The following STAU2 variants were observed in gnomAD, a reference collection of about 807,000 sequenced individuals.
STAU2 encodes the protein staufen double-stranded RNA binding protein 2.
Under a neutral mutation model 65.9 loss-of-function variants are expected in STAU2, and 20 were observed. That is an observed-to-expected ratio of 0.30 (90% CI 0.21 to 0.44). STAU2 has a LOEUF of 0.44. STAU2 is among the 20% of genes least tolerant of loss of function. The probability of loss-of-function intolerance (pLI) is 1.00; values close to 1 mark genes in which losing one functional copy is unlikely to be tolerated. For missense variants in STAU2, 558 were observed against 683.9 expected, an observed-to-expected ratio of 0.82 and a Z score of 2.05; for synonymous variants, 232 against 233.9, an observed-to-expected ratio of 0.99 and a Z score of 0.07.
intron 13 of STAU2, among the ~76,000 whole-genome samples, chr8:73,536,747 GA>G (rs1338506419): frequency 1.3e-5 from 2 of 152,114 alleles, no homozygotes; most frequent in African/African-American, 4.8e-5. Flanking sequence ...CTCCTCCCAA[GA>G]AGATGTCAAC....
At chr8:73,623,523 G>A (rs1813418832) in intron 6 of STAU2, among the ~76,000 whole-genome samples, 1 of 152,102 alleles carries the variant, frequency 6.6e-6, no homozygotes, top group African/African-American at 2.4e-5. Flanking sequence ...AATAAGGAGA[G>A]GCTTTGGATT....
Position 73,421,410 on chromosome 8 carries a change from T to C in STAU2, c.1675A>G (p.Ile559Val), listed in dbSNP as rs1266574539. Residue 559 changes from isoleucine to valine, a missense_variant, in exon 15 of 15, where the codon ATC (isoleucine) becomes GTC (valine). Ile to Val is a conservative substitution (Grantham distance 29). Transcript: ENST00000524300. Reference sequence around the variant, plus strand: ...TTTGATTTCTTGCAGTCCTGAGCGATGGAGCCCGGGGGTGCCTGGTTATTG... The same window carrying C: ...TTTGATTTCTTGCAGTCCTGAGCGACGGAGCCCGGGGGTGCCTGGTTATTG... ...ADNNQAPPGS[I>V]AQDCKKSNSA... 30 of 1,537,180 alleles carry C rather than the reference T, an allele frequency of 2.0e-5. No individual in the cohort carries two copies. The highest frequency in any genetic ancestry group is 1.4e-5 in the African/African-American group (1 of 73,058).
At chr8:73,712,520 T>C (rs1269148225) in intron 3 of STAU2, among the ~76,000 whole-genome samples, 2 of 152,238 alleles carry the variant, frequency 1.3e-5, no homozygotes, top group African/African-American at 4.8e-5. Flanking sequence ...ATTATTCTGA[T>C]TTAAACATTT....
At chr8:73,676,562 T>G (rs1818040894) in intron 5 of STAU2, among the ~76,000 whole-genome samples, 1 of 152,150 alleles carries the variant, frequency 6.6e-6, no homozygotes, top group Admixed American at 6.6e-5. Flanking sequence ...GACTAATAAA[T>G]TAGCTTCCAC....
At chr8:73,628,424 T>C (rs1008891524) in intron 6 of STAU2, among the ~76,000 whole-genome samples, 1 of 152,212 alleles carries the variant, frequency 6.6e-6, no homozygotes, top group African/African-American at 2.4e-5. Flanking sequence ...AGTAATCTAA[T>C]AGCAGAATCT....
At chr8:73,698,217 TAA>T (rs1178413299) in intron 4 of STAU2, among the ~76,000 whole-genome samples, 1 of 151,808 alleles carries the variant, frequency 6.6e-6, no homozygotes. Context: ...TCACTTTCAC[TAA>T]AAGGAAGACA....
chr8:73,646,476 G>C (rs974347743), intron 6 of STAU2, among the ~76,000 whole-genome samples: 1 of 152,196 alleles, frequency 6.6e-6, no homozygotes, highest in Non-Finnish European at 1.5e-5. Flanking sequence ...TTCAATGGAG[G>C]AAGGAGAGCT....
intron 11 of STAU2, among the ~76,000 whole-genome samples, chr8:73,584,387 G>T (rs6995888): frequency 0.18 from 27,802 of 152,162 alleles, 2,778 homozygotes; most frequent in African/African-American, 0.27. Context: ...AGCTAACACT[G>T]AAGATTTAAA....
At chr8:73,514,137 CT>C (rs1355030585) in intron 13 of STAU2, among the ~76,000 whole-genome samples, 1 of 152,100 alleles carries the variant, frequency 6.6e-6, no homozygotes, top group Non-Finnish European at 1.5e-5. Context: ...TTGTTAAGAG[CT>C]TTTTTTCACT....
chr8:73,639,882 G>A (rs1814826812), intron 6 of STAU2, among the ~76,000 whole-genome samples: 1 of 151,920 alleles, frequency 6.6e-6, no homozygotes, highest in Non-Finnish European at 1.5e-5. Flanking sequence ...AATACAAATA[G>A]ATACATAAAA....
chr8:73,554,901 A>G (rs1248996807), intron 12 of STAU2, among the ~76,000 whole-genome samples: 1 of 152,176 alleles, frequency 6.6e-6, no homozygotes, highest in Non-Finnish European at 1.5e-5. Flanking sequence ...AGTTACACAG[A>G]TATATCCAAT....
At chr8:73,720,574 G>A (rs1307028691) in intron 3 of STAU2, among the ~76,000 whole-genome samples, 7 of 63,582 alleles carry the variant, frequency 1.1e-4, no homozygotes, top group Admixed American at 3.8e-4. Flanking sequence ...CTGCAGTGGC[G>A]CAATCTCGGC....
chr8:73,657,272 A>T (rs1441482280), intron 6 of STAU2, among the ~76,000 whole-genome samples: 2 of 152,230 alleles, frequency 1.3e-5, no homozygotes, highest in Non-Finnish European at 2.9e-5. Flanking sequence ...AAGAAAGCAT[A>T]AGGAAGTGCC....
chr8:73,570,166 G>A (rs181512837), intron 12 of STAU2, among the ~76,000 whole-genome samples: 4 of 152,312 alleles, frequency 2.6e-5, no homozygotes, highest in Admixed American at 2.0e-4. Flanking sequence ...ACTACGTGAC[G>A]CATGCACAAG....
Position 73,635,952 on chromosome 8 carries a change from C to CACACACACACACACACA in STAU2, c.411-18502_411-18501insTGTGTGTGTGTGTGTGT, listed in dbSNP as rs1586165974. Among the ~76,000 whole-genome samples, 22 of 80,250 alleles carry CACACACACACACACACA rather than the reference C, an allele frequency of 2.7e-4. 1 individual carries two copies. Among genetic ancestry groups the CACACACACACACACACA allele is most frequent in the East Asian group, 1.6e-3 (3 of 1,912 alleles). 52.6% of individuals were successfully genotyped at this position (80,250 alleles called of 152,430 possible). A position where few individuals can be genotyped will look rare whatever the true frequency, so the allele number is the denominator to read the frequency against. On this transcript the variant is annotated intron_variant, in intron 6 of 14. Transcript: ENST00000524300. ...CACACACACACACACACACACACAC[C>CACACACACACACACACA]CCTGGAACCAATTCAAAGAAATTTA...
At chr8:73,639,689 C>A (rs978944699) in intron 6 of STAU2, among the ~76,000 whole-genome samples, 2 of 152,078 alleles carry the variant, frequency 1.3e-5, no homozygotes, top group African/African-American at 4.8e-5. Flanking sequence ...TTTAAAATTC[C>A]ATGTTTTAGA....
intron 11 of STAU2, among the ~76,000 whole-genome samples, chr8:73,586,541 A>G (rs987839914): frequency 3.3e-5 from 5 of 151,972 alleles, no homozygotes; most frequent in African/African-American, 1.2e-4. Context: ...CATACTGAAA[A>G]ATAAGATTCC....
At chr8:73,456,144 T>C (rs1024995082) in intron 13 of STAU2, among the ~76,000 whole-genome samples, 2 of 140,784 alleles carry the variant, frequency 1.4e-5, no homozygotes, top group African/African-American at 5.3e-5. Context: ...GAACAGCACG[T>C]GTTTCTATCT....
At chr8:73,484,821 C>G (rs541972915) in intron 13 of STAU2, among the ~76,000 whole-genome samples, 2 of 152,060 alleles carry the variant, frequency 1.3e-5, no homozygotes, top group Non-Finnish European at 2.9e-5. Flanking sequence ...TGTGAGCACA[C>G]TAGAGGTTAG....
Sources: gnomAD v4.1 joint callset for allele counts (sites outside exome capture counted in the v4.1 genomes callset) on GRCh38, gnomAD v4.1.1 for gene constraint, MANE v1.5 for transcripts, NCBI Gene and HGNC (gene_info 2026-07-23, HGNC 2026-07-21) for gene names.